The following PDE4B variants were observed in gnomAD, a reference collection of about 807,000 sequenced individuals.
The protein encoded by PDE4B is 3',5'-cyclic-AMP phosphodiesterase 4B.
A neutral mutation model predicts 82.2 loss-of-function variants in PDE4B; 20 were observed. The observed-to-expected ratio is 0.24, with a 90% CI of 0.17 to 0.35. The LOEUF is 0.35. Ranked by LOEUF, PDE4B falls within the 10% of genes least tolerant of loss-of-function variation. PDE4B has a pLI of 1.00. For missense variants in PDE4B, 655 were observed against 907.2 expected, an observed-to-expected ratio of 0.72 and a Z score of 3.57; for synonymous variants, 320 against 318.9, an observed-to-expected ratio of 1.00 and a Z score of -0.04.
chr1:65,883,598 G>T (rs1334156069), intron 1 of PDE4B, among the ~76,000 whole-genome samples: 7 of 152,178 alleles, frequency 4.6e-5, no homozygotes, highest in Non-Finnish European at 8.8e-5. Context: ...CATGTCATCT[G>T]CAAACAGGGA....
intron 7 of PDE4B, among the ~76,000 whole-genome samples, chr1:66,309,840 T>C (rs967884060): frequency 3.9e-5 from 6 of 152,206 alleles, no homozygotes; most frequent in Non-Finnish European, 8.8e-5. Context: ...GTTACCATAA[T>C]TCTATTATGA....
At chr1:66,137,406 G>A (rs1216928330) in intron 3 of PDE4B, among the ~76,000 whole-genome samples, 1 of 152,190 alleles carries the variant, frequency 6.6e-6, no homozygotes, top group Admixed American at 6.5e-5. Flanking sequence ...GCAGAAAGCT[G>A]AATGAGATCA....
intron 3 of PDE4B, among the ~76,000 whole-genome samples, chr1:66,097,911 A>C (rs541886071): frequency 1.2e-4 from 18 of 146,212 alleles, no homozygotes; most frequent in Non-Finnish European, 1.6e-4. Flanking sequence ...TTGTTCTGGC[A>C]CCATTGGGAT....
At chr1:65,836,749 G>C (rs183953398) in intron 1 of PDE4B, among the ~76,000 whole-genome samples, 2 of 152,082 alleles carry the variant, frequency 1.3e-5, no homozygotes, top group East Asian at 3.9e-4. Context: ...TCATATAAAA[G>C]ATTATTGTTC....
At chr1:66,288,804 G>A (rs1399559264) in intron 7 of PDE4B, among the ~76,000 whole-genome samples, 2 of 152,076 alleles carry the variant, frequency 1.3e-5, no homozygotes, top group Admixed American at 6.6e-5. Context: ...TGCAAAAGCT[G>A]GAGGAAAGAA....
At chr1:66,369,816 T>C (rs567405427) in intron 16 of PDE4B, among the ~76,000 whole-genome samples, 15 of 152,180 alleles carry the variant, frequency 9.9e-5, no homozygotes, top group Non-Finnish European at 2.1e-4. Flanking sequence ...ATATTTATTT[T>C]GTTGCTTCTT....
At position 66,374,456 on chromosome 1, in the gene PDE4B, A is replaced by T. The variant is rs1025775338; in HGVS notation, c.*1778A>T. The T allele has an allele frequency of 6.6e-5, 10 of 152,656 alleles. No individual in the cohort carries two copies. The highest frequency in any genetic ancestry group is 1.5e-4 in the Non-Finnish European group (10 of 68,042). 9.5% of individuals were successfully genotyped at this position (152,656 alleles called of 1,614,324 possible). On this transcript the variant is annotated 3_prime_UTR_variant, in exon 17 of 17. Transcript: ENST00000341517. ...ATGAACACTGCATTGTTTCAGGTGG[A>T]CATTTTATCATTTTCAAATGTTTCT...
chr1:65,875,245 T>A (rs1304668181), intron 1 of PDE4B, among the ~76,000 whole-genome samples: 7 of 150,434 alleles, frequency 4.7e-5, no homozygotes, highest in South Asian at 4.2e-4. Flanking sequence ...TCAAAACCAC[T>A]ATGAGATACC....
At chr1:65,961,816 A>G (rs893859994) in intron 3 of PDE4B, among the ~76,000 whole-genome samples, 2 of 152,132 alleles carry the variant, frequency 1.3e-5, no homozygotes, top group African/African-American at 4.8e-5. Context: ...TTAAGGAAGG[A>G]GAAGATGGAT....
At chr1:66,161,559 A>G (rs1320710830) in intron 3 of PDE4B, among the ~76,000 whole-genome samples, 1 of 152,280 alleles carries the variant, frequency 6.6e-6, no homozygotes, top group African/African-American at 2.4e-5. Context: ...AGATGTTTTA[A>G]TGCAAATTAC....
At position 65,813,236 on chromosome 1, in the gene PDE4B, C is replaced by T. The variant is rs541318565; in HGVS notation, c.-71+19988C>T. On this transcript the variant is annotated intron_variant, in intron 1 of 16. Coordinates refer to ENST00000341517, the MANE Select transcript of PDE4B (RefSeq NM_002600.4). ...GTCAAATGCATGCCACTTAACTAATCGTGGGAGGTCACTATAATTACCATT... is the reference window on the plus strand; with the variant it reads ...GTCAAATGCATGCCACTTAACTAATTGTGGGAGGTCACTATAATTACCATT... Among the ~76,000 whole-genome samples, 5 of 152,142 alleles carry T rather than the reference C, an allele frequency of 3.3e-5. No individual in the cohort carries two copies. In the South Asian group the frequency reaches 6.2e-4, roughly 19 times the overall value.
intron 3 of PDE4B, among the ~76,000 whole-genome samples, chr1:66,159,579 A>G (rs1358766413): frequency 2.0e-5 from 3 of 152,160 alleles, no homozygotes; most frequent in Non-Finnish European, 4.4e-5. Context: ...AAATTCAAGT[A>G]TTAAAAAGCC....
intron 1 of PDE4B, among the ~76,000 whole-genome samples, chr1:65,901,316 A>G (rs983296005): frequency 3.3e-5 from 5 of 152,128 alleles, no homozygotes; most frequent in African/African-American, 1.2e-4. Flanking sequence ...CTGGATCATG[A>G]TGAATTAACT....
intron 3 of PDE4B, among the ~76,000 whole-genome samples, chr1:66,098,489 C>G (rs1370599477): frequency 6.6e-6 from 1 of 152,092 alleles, no homozygotes; most frequent in Non-Finnish European, 1.5e-5. Flanking sequence ...AAGCATAAGG[C>G]TAGATATTTT....
chr1:66,179,320 T>A (rs72922366), intron 3 of PDE4B, among the ~76,000 whole-genome samples: 6 of 152,130 alleles, frequency 3.9e-5, no homozygotes, highest in Non-Finnish European at 7.3e-5. Context: ...AAAGCAATGA[T>A]AATTTTTTCC....
chr1:65,897,373 C>T (rs921298266), intron 1 of PDE4B, among the ~76,000 whole-genome samples: 1 of 152,070 alleles, frequency 6.6e-6, no homozygotes, highest in Non-Finnish European at 1.5e-5. Context: ...TAAAGGCATG[C>T]AATACAATTT....
chr1:66,117,063 A>T (rs1171512833), intron 3 of PDE4B, among the ~76,000 whole-genome samples: 1 of 152,090 alleles, frequency 6.6e-6, no homozygotes. Flanking sequence ...CAAAAATTCC[A>T]TTTTTTATTT....
chr1:65,845,719 C>T (rs1221410334), intron 1 of PDE4B, among the ~76,000 whole-genome samples: 2 of 152,246 alleles, frequency 1.3e-5, no homozygotes, highest in Non-Finnish European at 1.5e-5. Flanking sequence ...CGATATCCAC[C>T]TAAGTGCTGT....
At chr1:65,998,095 G>A (rs898658182) in intron 3 of PDE4B, among the ~76,000 whole-genome samples, 2 of 151,862 alleles carry the variant, frequency 1.3e-5, no homozygotes, top group African/African-American at 2.4e-5. Context: ...ATAATGTGTT[G>A]GATATTAATT....
Sources: allele counts gnomAD v4.1 joint callset (sites outside exome capture counted in the v4.1 genomes callset), GRCh38; gene constraint gnomAD v4.1.1; transcripts MANE v1.5; gene names NCBI Gene and HGNC (gene_info 2026-07-23, HGNC 2026-07-21).